ATP10B: variants seen among roughly 807,000 people sequenced by gnomAD.
The protein encoded by ATP10B is ATPase phospholipid transporting 10B (putative).
Under a neutral mutation model 141.2 loss-of-function variants are expected in ATP10B, and 122 were observed. The observed-to-expected ratio is 0.86, with a 90% CI of 0.75 to 1.00. The LOEUF (loss-of-function observed/expected upper bound fraction) is 1.00, where lower values mean the gene tolerates loss of function less well. ATP10B is among the 50% of genes least tolerant of loss of function. The pLI is 0.00. For synonymous variants in ATP10B, 685 were observed against 692.0 expected (o/e 0.99, Z 0.16); for missense variants, 1,876 against 1,825.3 (o/e 1.03, Z -0.51).
At chr5:160,862,621 T>C in the ATP10B span, among the ~76,000 whole-genome samples, 2 of 151,950 alleles carry the variant, frequency 1.3e-5, no homozygotes, top group Non-Finnish European at 2.9e-5. Context: ...ATAATAATTA[T>C]GTAGAGCCAA....
rs189276567 is a variant in ATP10B, at chr5:160,833,798, G to A, written c.-576+18143C>T. 2.0e-4 allele frequency among the ~76,000 whole-genome samples: 31 copies of A among 152,190 alleles called. 1 individual carries two copies. The highest frequency in any genetic ancestry group is 3.4e-3 in the Middle Eastern group (1 of 294). ...GATGTTTTTAAATCAATTACATTTG[G>A]CAGTGAGAAGACGCGTTTTAAATCT... On this transcript the variant is annotated intron_variant, in intron 1 of 25. Coordinates refer to ENST00000327245, the MANE Select transcript of ATP10B (RefSeq NM_025153.3).
chr5:160,657,011 C>A (rs920297056), intron 7 of ATP10B, among the ~76,000 whole-genome samples: 1 of 152,108 alleles, frequency 6.6e-6, no homozygotes, highest in Non-Finnish European at 1.5e-5. Context: ...GGAGAGCCAC[C>A]ACAACCTGGG....
At chr5:160,855,466 A>C (rs1753971945), upstream of ATP10B, among the ~76,000 whole-genome samples, 1 of 150,630 alleles carries the variant, frequency 6.6e-6, no homozygotes, top group Non-Finnish European at 1.5e-5. Flanking sequence ...CTTATGTTTT[A>C]ATTAATTTTT....
At chr5:160,583,604 TAA>T (rs1386051491) in intron 24 of ATP10B, among the ~76,000 whole-genome samples, 1 of 152,180 alleles carries the variant, frequency 6.6e-6, no homozygotes, top group African/African-American at 2.4e-5. Context: ...CAGGAACGTT[TAA>T]GTCTGCTGAA....
At chr5:160,611,913 G>A (rs1257944924) in intron 18 of ATP10B, 1 of 152,200 alleles carries the variant, frequency 6.6e-6, no homozygotes, top group Non-Finnish European at 1.5e-5. Context: ...CAATCTCAGT[G>A]CCCACTTCCC....
chr5:160,818,237 T>C (rs967081905), intron 1 of ATP10B, among the ~76,000 whole-genome samples: 9 of 152,306 alleles, frequency 5.9e-5, no homozygotes, highest in African/African-American at 1.9e-4. Flanking sequence ...AGAAAATTTT[T>C]GCAATCTACT....
intron 1 of ATP10B, among the ~76,000 whole-genome samples, chr5:160,826,759 T>C (rs549652993): frequency 1.4e-4 from 22 of 152,206 alleles, no homozygotes; most frequent in African/African-American, 5.3e-4. Flanking sequence ...TGCATTCCTG[T>C]GGGGAAGTCT....
intron 16 of ATP10B, 93 bp downstream of exon 16, chr5:160,617,771 C>G: frequency 8.9e-7 from 1 of 1,118,588 alleles, no homozygotes; most frequent in Middle Eastern, 2.0e-4. Context: ...AAACAACCAC[C>G]TCTAAGGGTC....
At chr5:160,593,103 G>C (rs1756435362) in intron 22 of ATP10B, among the ~76,000 whole-genome samples, 1 of 152,254 alleles carries the variant, frequency 6.6e-6, no homozygotes, top group African/African-American at 2.4e-5. Context: ...AGAATGGGCA[G>C]ACTGCCTCCT....
the ATP10B span, among the ~76,000 whole-genome samples, chr5:160,886,303 G>A: frequency 6.6e-6 from 1 of 152,162 alleles, no homozygotes; most frequent in Non-Finnish European, 1.5e-5. Flanking sequence ...ATCAAGAAAG[G>A]AACATTTGAT....
the ATP10B span, among the ~76,000 whole-genome samples, chr5:160,862,432 A>G: frequency 4.6e-5 from 7 of 151,958 alleles, no homozygotes; most frequent in Non-Finnish European, 7.4e-5. Flanking sequence ...GCCAGTCTCC[A>G]TAATCACATA....
At chr5:160,895,256 G>A in the ATP10B span, among the ~76,000 whole-genome samples, 1 of 151,952 alleles carries the variant, frequency 6.6e-6, no homozygotes, top group Non-Finnish European at 1.5e-5. Flanking sequence ...GACACAGACT[G>A]ACAAATTGGA....
upstream of ATP10B, among the ~76,000 whole-genome samples, chr5:160,856,840 T>C (rs1048011627): frequency 2.6e-5 from 4 of 151,872 alleles, no homozygotes; most frequent in Admixed American, 6.6e-5. Flanking sequence ...GTAATTTTTC[T>C]GCTTTAGCTA....
chr5:160,644,484 A>T (rs1760130206), intron 8 of ATP10B, among the ~76,000 whole-genome samples: 1 of 152,190 alleles, frequency 6.6e-6, no homozygotes, highest in Non-Finnish European at 1.5e-5. Flanking sequence ...CCCTGAGAAA[A>T]TTGTCCCATT....
At chr5:160,894,063 G>A in the ATP10B span, among the ~76,000 whole-genome samples, 2 of 152,078 alleles carry the variant, frequency 1.3e-5, no homozygotes, top group Non-Finnish European at 2.9e-5. Flanking sequence ...AAGACAAAAG[G>A]TAGATAAATC....
Position 160,571,995 on chromosome 5 carries a change from A to C in ATP10B, c.3751-2312T>G, listed in dbSNP as rs147101153. On this transcript the variant is annotated intron_variant, in intron 24 of 25. Coordinates refer to ENST00000327245, the MANE Select transcript of ATP10B (RefSeq NM_025153.3). ...ATCCTATTTTAATGTTGTCTCTTAG[A>C]CTCCTAACTTAGGAGCCTAGGTATT... 6.6e-4 allele frequency among the ~76,000 whole-genome samples: 100 copies of C among 152,076 alleles called. 1 individual carries two copies. The East Asian group carries it at 0.018, about 27-fold the overall frequency.
intron 2 of ATP10B, among the ~76,000 whole-genome samples, chr5:160,733,567 C>T (rs931259943): frequency 1.3e-5 from 2 of 151,782 alleles, no homozygotes; most frequent in Non-Finnish European, 2.9e-5. Context: ...AGAAAAATGA[C>T]ATATATATGT....
chr5:160,602,749 T>C, intron 20 of ATP10B, 47 bp from the exon 21 acceptor site: 1 of 1,611,306 alleles, frequency 6.2e-7, no homozygotes, highest in Non-Finnish European at 8.5e-7. Context: ...TGGCTGCCAG[T>C]GCCCCAGAGG....
At position 160,564,481 on chromosome 5, in the gene ATP10B, C is replaced by A. The variant is rs1053894217; in HGVS notation, c.*972G>T. ...CAGCCTATCCCCATTCTGGAATAGG[C>A]TGAATGGGGTTTCAGATTAGTTCTA... On this transcript the variant is annotated 3_prime_UTR_variant, in exon 26 of 26. Coordinates refer to ENST00000327245, the MANE Select transcript of ATP10B (RefSeq NM_025153.3). 1 of 152,008 alleles carries A rather than the reference C, an allele frequency of 6.6e-6. No individual in the cohort carries two copies. The highest frequency in any genetic ancestry group is 2.4e-5 in the African/African-American group (1 of 41,388). The allele number at this position is 152,008 out of a possible 1,614,324, so 9.4% of individuals were successfully genotyped here. A position where few individuals can be genotyped will look rare whatever the true frequency, so the allele number is the denominator to read the frequency against.
Sources: gnomAD v4.1 joint callset for allele counts (sites outside exome capture counted in the v4.1 genomes callset) on GRCh38, gnomAD v4.1.1 for gene constraint, MANE v1.5 for transcripts, NCBI Gene and HGNC (gene_info 2026-07-23, HGNC 2026-07-21) for gene names.